Variants in MYO18A observed in about 807,000 individuals in gnomAD.
MYO18A encodes the protein myosin XVIIIA, also known as unconventional myosin-XVIIIa.
Under a neutral mutation model 235.8 loss-of-function variants are expected in MYO18A, and 78 were observed. The observed-to-expected ratio is 0.33, with a 90% CI of 0.28 to 0.40. MYO18A has a LOEUF of 0.40. Among genes scored for constraint, MYO18A ranks in the 10% least tolerant of loss-of-function variants. The probability of loss-of-function intolerance (pLI) is 1.00; values close to 1 mark genes in which losing one functional copy is unlikely to be tolerated. For synonymous variants in MYO18A, 977 were observed against 1,077.8 expected (o/e 0.91, Z 1.83); for missense variants, 2,215 against 2,699.3 (o/e 0.82, Z 3.98).
intron 36 of MYO18A, 108 bp from the exon 37 acceptor site, chr17:29,090,206 G>A (rs993791046): frequency 2.9e-5 from 37 of 1,281,518 alleles, no homozygotes; most frequent in Non-Finnish European, 3.5e-5. Flanking sequence ...AGGGGAGGGA[G>A]GGATGCACCT....
intron 2 of MYO18A, among the ~76,000 whole-genome samples, chr17:29,139,294 G>A (rs977191757): frequency 6.6e-6 from 1 of 152,222 alleles, no homozygotes; most frequent in Non-Finnish European, 1.5e-5. Context: ...GCACTTTGCT[G>A]TCTGCTTGGA....
At chr17:29,102,516 A>G (rs917341127) in intron 21 of MYO18A, among the ~76,000 whole-genome samples, 1 of 152,226 alleles carries the variant, frequency 6.6e-6, no homozygotes, top group Non-Finnish European at 1.5e-5. Context: ...AGAGGTAGAC[A>G]AAGCAGTGAC....
chr17:29,142,824 T>G (rs2067769401), intron 2 of MYO18A, among the ~76,000 whole-genome samples: 1 of 152,258 alleles, frequency 6.6e-6, no homozygotes. Context: ...TATTTTATTT[T>G]TTGAAATAGA....
intron 41 of MYO18A, chr17:29,080,292 G>A: frequency 1.0e-6 from 1 of 986,122 alleles, no homozygotes; most frequent in East Asian, 1.1e-4. Context: ...GGTCCAGGTA[G>A]GAGTGACGGC....
At position 29,140,442 on chromosome 17, in the gene MYO18A, A is replaced by G. The variant is rs1440852066; in HGVS notation, c.1000-18189T>C. 2 of 1,245,104 alleles carry G rather than the reference A, an allele frequency of 1.6e-6. No homozygotes were observed. Among genetic ancestry groups the G allele is most frequent in the Admixed American group, 5.5e-5 (2 of 36,338 alleles). 77.1% of individuals were successfully genotyped at this position (1,245,104 alleles called of 1,614,324 possible). A position where few individuals can be genotyped will look rare whatever the true frequency, so the allele number is the denominator to read the frequency against. On this transcript the variant is annotated intron_variant, in intron 2 of 41. Transcript: ENST00000527372. This position sits in a 1 kb window ranked among gnomAD's most constrained non-coding sequence, Gnocchi z 4.2. ...AATAGCACAGGCTGTGGCCCCGCCC[A>G]GTTCCCGCCCTCTCCCCGGCCCCTC...
In MYO18A at chr17:29,111,285, C is replaced by T; in HGVS notation, c.2900+139G>A. ...CCTCAAGCTCCTCAAGGCCAAGTGC[C>T]CTGGGCTGTTGCCTCTCAGGAATAA... On this transcript the variant is annotated intron_variant, in intron 17 of 41. Coordinates refer to ENST00000527372, the MANE Select transcript of MYO18A (RefSeq NM_078471.4). The surrounding 1 kb of genome is among the most constrained non-coding windows in gnomAD (Gnocchi z 5.1). The T allele has an allele frequency of 2.0e-6, 2 of 992,702 alleles. No individual in the cohort carries two copies. The highest frequency in any genetic ancestry group is 1.6e-5 in the South Asian group (1 of 61,560). The allele number at this position is 992,702 out of a possible 1,614,324, so 61.5% of individuals were successfully genotyped here.
At chr17:29,095,467 G>C (rs906015251) in intron 28 of MYO18A, among the ~76,000 whole-genome samples, 1 of 152,238 alleles carries the variant, frequency 6.6e-6, no homozygotes, top group East Asian at 1.9e-4. Flanking sequence ...AGTTTGGTTC[G>C]ACAACTGTAA....
chr17:29,144,702 C>T (rs1242949023), intron 2 of MYO18A, among the ~76,000 whole-genome samples: 1 of 152,166 alleles, frequency 6.6e-6, no homozygotes, highest in African/African-American at 2.4e-5. Flanking sequence ...TTATTAATAT[C>T]ATTATTATCA....
At position 29,099,973 on chromosome 17, in the gene MYO18A, C is replaced by A. The variant is rs377223082; in HGVS notation, c.3508-211G>T. ...GGAGAAGGGGCTGGGGAGGTTTTGG[C>A]AGGGGAGGGGTAAGGTGTGAAATTT... On this transcript the variant is annotated intron_variant, in intron 21 of 41. Coordinates refer to ENST00000527372, the MANE Select transcript of MYO18A (RefSeq NM_078471.4). 8.6e-5 allele frequency among the ~76,000 whole-genome samples: 13 copies of A among 150,694 alleles called. No individual in the cohort carries two copies. The East Asian group carries it at 2.5e-3, about 29-fold the overall frequency.
intron 37 of MYO18A, 70 bp from the exon 38 acceptor site, chr17:29,087,191 A>G: frequency 6.6e-7 from 1 of 1,516,454 alleles, no homozygotes; most frequent in Non-Finnish European, 9.0e-7. Context: ...AGGGTGTGGC[A>G]GAGCTCTGGG....
At chr17:29,092,311 C>A in intron 34 of MYO18A, 32 bp downstream of exon 34, 3 of 1,551,862 alleles carry the variant, frequency 1.9e-6, no homozygotes, top group Non-Finnish European at 2.6e-6. Context: ...CTCAGCCCCC[C>A]GAGCTCTGCC....
intron 20 of MYO18A, among the ~76,000 whole-genome samples, chr17:29,105,388 G>T (rs2066759397): frequency 6.6e-6 from 1 of 151,972 alleles, no homozygotes; most frequent in Admixed American, 6.6e-5. Context: ...AAAACCTGCA[G>T]GTCTGTGGGG....
intron 37 of MYO18A, among the ~76,000 whole-genome samples, chr17:29,089,670 C>T (rs974447732): frequency 1.3e-5 from 2 of 152,042 alleles, no homozygotes; most frequent in African/African-American, 4.8e-5. Context: ...GGGGAACAGG[C>T]GGGGGGAGCT....
intron 1 of MYO18A, among the ~76,000 whole-genome samples, chr17:29,173,634 G>A (rs967083515): frequency 5.3e-5 from 8 of 151,174 alleles, no homozygotes; most frequent in East Asian, 1.9e-4. Flanking sequence ...TGATCCGCCC[G>A]CCTCGGCTCC....
In MYO18A at chr17:29,110,521, C is replaced by T. The variant is rs763098744; in HGVS notation, c.3002G>A (p.Arg1001Gln). 18 of 1,607,336 alleles carry T rather than the reference C, an allele frequency of 1.1e-5. No homozygotes were observed. The highest frequency in any genetic ancestry group is 1.7e-4 in the Middle Eastern group (1 of 6,048). Residue 1001 changes from arginine (R) to glutamine (Q), a missense_variant, in exon 18 of 42, where the codon CGG becomes CAG. By Grantham distance (43) the Arg-to-Gln change is conservative (BLOSUM62 1). Coordinates refer to ENST00000527372, the MANE Select transcript of MYO18A (RefSeq NM_078471.4). ...LEGGSQLALR[R>Q]ATSMRKTFTT... ...AAAGGTTTTCCGCATGCTGGTGGCC[C>T]GGCGCAGTGCCAGCTGCGAGCCGCC...
At position 29,133,947 on chromosome 17, in the gene MYO18A, C is replaced by CA; in HGVS notation, c.1000-11695dup. ...AACCTGCCAGGATAAACACTGTGGG[C>CA]AACAAGGGGAAAGGAGGGATGGAGT... On this transcript the variant is annotated intron_variant, in intron 2 of 41. Coordinates refer to ENST00000527372, the MANE Select transcript of MYO18A (RefSeq NM_078471.4). The CA allele has an allele frequency of 1.7e-5, 17 of 973,062 alleles. No homozygotes were observed. In the South Asian group the frequency reaches 2.4e-4, roughly 14 times the overall value. The allele number at this position is 973,062 out of a possible 1,614,324, so 60.3% of individuals were successfully genotyped here. A position where few individuals can be genotyped will look rare whatever the true frequency, so the allele number is the denominator to read the frequency against.
chr17:29,156,485 GT>G (rs2068069187), intron 2 of MYO18A, among the ~76,000 whole-genome samples: 1 of 152,190 alleles, frequency 6.6e-6, no homozygotes, highest in African/African-American at 2.4e-5. Flanking sequence ...GCAAGAAACA[GT>G]CCATGGGTGG....
intron 2 of MYO18A, among the ~76,000 whole-genome samples, chr17:29,141,514 C>T (rs930218218): frequency 1.8e-4 from 28 of 152,234 alleles, no homozygotes; most frequent in African/African-American, 6.7e-4. Flanking sequence ...TGGCATACAC[C>T]CCATGCTTCT....
chr17:29,119,517 A>C, intron 7 of MYO18A, 82 bp from the exon 8 acceptor site: 1 of 991,118 alleles, frequency 1.0e-6, no homozygotes, highest in Admixed American at 2.6e-5. Context: ...GGAATCAAAC[A>C]CATGGTCCTC....
Sources: gnomAD v4.1 joint callset for allele counts (sites outside exome capture counted in the v4.1 genomes callset) on GRCh38, gnomAD v4.1.1 for gene constraint, Gnocchi (gnomAD v3.1) non-coding constraint, MANE v1.5 for transcripts, NCBI Gene and HGNC (gene_info 2026-07-23, HGNC 2026-07-21) for gene names.